Variants in PTF1A observed in about 807,000 individuals in gnomAD.
PTF1A encodes the protein pancreas associated transcription factor 1a.
Under a neutral mutation model 22.6 loss-of-function variants are expected in PTF1A, and 18 were observed. The ratio of observed to expected loss-of-function variants is 0.80; its 90% confidence interval spans 0.55 to 1.18. The LOEUF (loss-of-function observed/expected upper bound fraction) is 1.18. PTF1A is among the 50% of genes most tolerant of loss of function. The pLI is 0.00. For missense variants in PTF1A, 477 were observed against 473.0 expected, an observed-to-expected ratio of 1.01 and a Z score of -0.08; for synonymous variants, 259 against 227.9, an observed-to-expected ratio of 1.14 and a Z score of -1.23.
In PTF1A at chr10:23,193,687, T is replaced by C; in HGVS notation, c.785-17T>C. 2.6e-6 allele frequency: 4 copies of C among 1,537,458 alleles called. No individual in the cohort carries two copies. The highest frequency in any genetic ancestry group is 2.7e-6 in the Non-Finnish European group (3 of 1,111,364). ...GGTTGGATATTCACAGTCTGTTTTC[T>C]CTTCTCACCTGTCCAGGGTCCCCCT... On this transcript the variant is annotated splice_polypyrimidine_tract_variant and intron_variant, in intron 1 of 1. Transcript: ENST00000376504.
Position 23,192,414 on chromosome 10 carries a change from C to G in PTF1A, c.-117C>G, listed in dbSNP as rs2131679224. On this transcript the variant is annotated 5_prime_UTR_variant, in exon 1 of 2. Coordinates refer to ENST00000376504, the MANE Select transcript of PTF1A (RefSeq NM_178161.3). ...GGCCCGGGGGCGGGCAGCCCGGCGGCCGCCTAGCTGCCCCCAGCCAGGGCC... is the reference window on the plus strand; with the variant it reads ...GGCCCGGGGGCGGGCAGCCCGGCGGGCGCCTAGCTGCCCCCAGCCAGGGCC... 7.0e-7 allele frequency: 1 copy of G among 1,432,804 alleles called. No homozygotes were observed. The allele number at this position is 1,432,804 out of a possible 1,614,324, so 88.8% of individuals were successfully genotyped here.
At chr10:23,193,496 T>G in intron 1 of PTF1A, 182 bp downstream of exon 1, 1 of 726,278 alleles carries the variant, frequency 1.4e-6, no homozygotes, top group Non-Finnish European at 2.1e-6. Context: ...TCTGCCACGT[T>G]GACCGCGGCT....
intron 1 of PTF1A, 191 bp downstream of exon 1, chr10:23,193,505 C>T (rs1840925065): frequency 4.2e-6 from 3 of 707,520 alleles, no homozygotes; most frequent in African/African-American, 1.8e-5. Flanking sequence ...TTGACCGCGG[C>T]TCTCAAGGGC....
Position 23,192,859 on chromosome 10 carries a change from G to T in PTF1A, c.329G>T (p.Gly110Val). 3.0e-6 allele frequency: 4 copies of T among 1,322,400 alleles called. No individual in the cohort carries two copies. The highest frequency in any genetic ancestry group is 2.8e-4 in the Middle Eastern group (1 of 3,562). 81.9% of individuals were successfully genotyped at this position (1,322,400 alleles called of 1,614,324 possible). The change falls in exon 1 of 2, where the codon GGC becomes GTC. Residue 110 changes from glycine (G) to valine (V), a missense_variant. Physicochemically the swap from Gly to Val is moderately radical, Grantham distance 109. Transcript: ENST00000376504. The stretch of plus-strand genomic sequence containing the variant: ...TGCGAGACGGGGGCGCCCCCAGGCG[G>T]CTTCCCCTACTCGCCCGGCTCGCCG... ...YCCETGAPPG[G>V]FPYSPGSPPS...
chr10:23,193,476 T>TTA, intron 1 of PTF1A, 162 bp downstream of exon 1: 1 of 829,042 alleles, frequency 1.2e-6, no homozygotes, highest in Non-Finnish European at 1.8e-6. Context: ...TTTTTTTTTT[T>TTA]TTTTATTTTT....
At position 23,192,614 on chromosome 10, in the gene PTF1A, C is replaced by T; in HGVS notation, c.84C>T (p.Thr28=). ...SSYFDEDDFF[T]DQSSRDPLED... is the part of the protein sequence containing the mutation. ...ACTTCGACGAGGACGACTTCTTCACCGACCAGTCTTCACGGGACCCCCTGG... is the reference window on the plus strand; with the variant it reads ...ACTTCGACGAGGACGACTTCTTCACTGACCAGTCTTCACGGGACCCCCTGG... The change falls in exon 1 of 2, where the codon ACC becomes ACT. Residue 28 remains threonine, a synonymous_variant. Transcript: ENST00000376504. The T allele has an allele frequency of 1.2e-6, 2 of 1,603,312 alleles. No homozygotes were observed. Among genetic ancestry groups the T allele is most frequent in the South Asian group, 1.1e-5 (1 of 90,114 alleles).
chr10:23,193,370 G>A (rs1588563213), intron 1 of PTF1A, 56 bp downstream of exon 1: 5 of 1,415,796 alleles, frequency 3.5e-6, no homozygotes, highest in Admixed American at 2.9e-5. Flanking sequence ...CGAAGGCTCC[G>A]GAGGGGCTGG....
rs1285998272 is a variant in PTF1A, at chr10:23,194,043, C to A, written c.*137C>A. On this transcript the variant is annotated 3_prime_UTR_variant, in exon 2 of 2. Coordinates refer to ENST00000376504, the MANE Select transcript of PTF1A (RefSeq NM_178161.3). ...TGTTTATTATTTATCTATTTATTAT[C>A]CTGTTGAGTTGATGAAATAGATGAT... 60 of 684,732 alleles carry A rather than the reference C, an allele frequency of 8.8e-5. No individual in the cohort carries two copies. The East Asian group carries it at 1.6e-3, about 19-fold the overall frequency. The allele number at this position is 684,732 out of a possible 1,614,324, so 42.4% of individuals were successfully genotyped here.
chr10:23,193,679 C>T, intron 1 of PTF1A, 25 bp from the exon 2 acceptor site: 2 of 1,485,918 alleles, frequency 1.3e-6, no homozygotes, highest in East Asian at 2.3e-5. Flanking sequence ...TATTCACAGT[C>T]TGTTTTCTCT....
In PTF1A at chr10:23,193,270, C is replaced by A; in HGVS notation, c.740C>A (p.Pro247Gln). 1.6e-6 allele frequency: 2 copies of A among 1,247,100 alleles called. No individual in the cohort carries two copies. The highest frequency in any genetic ancestry group is 2.0e-6 in the Non-Finnish European group (2 of 1,003,808). 77.3% of individuals were successfully genotyped at this position (1,247,100 alleles called of 1,614,324 possible). A position where few individuals can be genotyped will look rare whatever the true frequency, so the allele number is the denominator to read the frequency against. Reference sequence around the variant, plus strand: ...GGCGGGCGCCTGGGCGGGGACAGCCCGGGCAGCCAGGCCCAGAAGGTCATC... The same window carrying A: ...GGCGGGCGCCTGGGCGGGGACAGCCAGGGCAGCCAGGCCCAGAAGGTCATC... Reference protein sequence around the residue: ...GGGGRLGGDSPGSQAQKVIIC... With the variant: ...GGGGRLGGDSQGSQAQKVIIC... The change falls in exon 1 of 2, where the codon CCG (proline) becomes CAG (glutamine). Residue 247 changes from proline (P) to glutamine (Q), a missense_variant. Pro to Gln is a moderately conservative substitution (Grantham distance 76). Coordinates refer to ENST00000376504, the MANE Select transcript of PTF1A (RefSeq NM_178161.3).
At chr10:23,193,443 A>T in intron 1 of PTF1A, 129 bp downstream of exon 1, 1 of 905,720 alleles carries the variant, frequency 1.1e-6, no homozygotes, top group Non-Finnish European at 1.6e-6. Flanking sequence ...GAAAAACTTG[A>T]ATGCGAGCTC....
Position 23,192,394 on chromosome 10 carries a change from G to C in PTF1A, c.-137G>C, listed in dbSNP as rs1232997616. 2.4e-6 allele frequency: 3 copies of C among 1,238,538 alleles called. No homozygotes were observed. Among genetic ancestry groups the C allele is most frequent in the Non-Finnish European group, 2.2e-6 (2 of 920,758 alleles). The allele number at this position is 1,238,538 out of a possible 1,614,324, so 76.7% of individuals were successfully genotyped here. A position where few individuals can be genotyped will look rare whatever the true frequency, so the allele number is the denominator to read the frequency against. ...GGCCGCGGGCACTCCAGGGAGGCCCGGGGGCGGGCAGCCCGGCGGCCGCCT... is the reference window on the plus strand; with the variant it reads ...GGCCGCGGGCACTCCAGGGAGGCCCCGGGGCGGGCAGCCCGGCGGCCGCCT... On this transcript the variant is annotated 5_prime_UTR_variant, in exon 1 of 2. Coordinates refer to ENST00000376504, the MANE Select transcript of PTF1A (RefSeq NM_178161.3).
chr10:23,193,563 G>C, intron 1 of PTF1A, 141 bp from the exon 2 acceptor site: 10 of 827,524 alleles, frequency 1.2e-5, no homozygotes, highest in Non-Finnish European at 2.1e-5. Context: ...GGGAGGGGAC[G>C]GTGGGGACTT....
chr10:23,192,565 G>A lies in PTF1A; in HGVS notation c.35G>A (p.Gly12Asp), dbSNP rs1840901703. Residue 12 changes from glycine to aspartate, a missense_variant, in exon 1 of 2, where the codon GGC becomes GAC. Transcript: ENST00000376504. The stretch of plus-strand genomic sequence containing the variant: ...GTGTTGCTGGAGCACTTCCCCGGGG[G>A]CCTAGACGCCTTTCCTTCTTCGTAC... Reference protein sequence around the residue: ...DAVLLEHFPGGLDAFPSSYFD... With the variant: ...DAVLLEHFPGDLDAFPSSYFD... 6.3e-7 allele frequency: 1 copy of A among 1,597,940 alleles called. No homozygotes were observed. The highest frequency in any genetic ancestry group is 8.5e-7 in the Non-Finnish European group (1 of 1,172,656).
chr10:23,193,762 C>A lies in PTF1A; in HGVS notation c.843C>A (p.Leu281=), dbSNP rs760272788. The A allele has an allele frequency of 2.5e-6, 4 of 1,613,996 alleles. No homozygotes were observed. The highest frequency in any genetic ancestry group is 3.4e-6 in the Non-Finnish European group (4 of 1,179,924). Residue 281 remains leucine (L), a synonymous_variant, in exon 2 of 2, where the codon CTC becomes CTA. Coordinates refer to ENST00000376504, the MANE Select transcript of PTF1A (RefSeq NM_178161.3). ...YGLPPLAGHS[L]SWTDEKQLKE... The stretch of plus-strand genomic sequence containing the variant: ...TCCCTCCCCTAGCAGGACACTCTCT[C>A]TCATGGACTGATGAAAAACAACTCA...
At position 23,193,742 on chromosome 10, in the gene PTF1A, C is replaced by A; in HGVS notation, c.823C>A (p.Pro275Thr). ...SPSDPDYGLP[P>T]LAGHSLSWTD... ...CAGCGACCCTGATTATGGCCTCCCTCCCCTAGCAGGACACTCTCTCTCATG... is the reference window on the plus strand; with the variant it reads ...CAGCGACCCTGATTATGGCCTCCCTACCCTAGCAGGACACTCTCTCTCATG... Residue 275 changes from proline to threonine, a missense_variant, in exon 2 of 2, where the codon CCC becomes ACC. Coordinates refer to ENST00000376504, the MANE Select transcript of PTF1A (RefSeq NM_178161.3). 1 of 1,613,658 alleles carries A rather than the reference C, an allele frequency of 6.2e-7. No individual in the cohort carries two copies. The highest frequency in any genetic ancestry group is 8.5e-7 in the Non-Finnish European group (1 of 1,179,676).
At chr10:23,193,450 G>A (rs2131681047) in intron 1 of PTF1A, 136 bp downstream of exon 1, 2 of 869,164 alleles carry the variant, frequency 2.3e-6, no homozygotes, top group East Asian at 2.7e-5. Context: ...TTGAATGCGA[G>A]CTCGCGTTTC....
Position 23,192,516 on chromosome 10 carries a change from A to G in PTF1A, c.-15A>G, listed in dbSNP as rs1840900621. ...GCGCAGCCCGGCAGTCCCGCTGCCC[A>G]CTGCGGCGGCGAGCATGGACGCGGT... On this transcript the variant is annotated 5_prime_UTR_variant, in exon 1 of 2. Transcript: ENST00000376504. The G allele has an allele frequency of 1.3e-6, 2 of 1,592,840 alleles. No homozygotes were observed. Among genetic ancestry groups the G allele is most frequent in the East Asian group, 2.4e-5 (1 of 42,238 alleles).
In PTF1A at chr10:23,192,924, C is replaced by T; in HGVS notation, c.394C>T (p.Leu132=). Reference sequence around the variant, plus strand: ...CTACCCGTGCGCCGGGGCGGCAGTACTGTCTCCCGGGGCGCGGCTGCGCGG... The same window carrying T: ...CTACCCGTGCGCCGGGGCGGCAGTATTGTCTCCCGGGGCGCGGCTGCGCGG... ...LAYPCAGAAV[L]SPGARLRGLS... The change falls in exon 1 of 2, where the codon CTG becomes TTG. Residue 132 remains leucine, a synonymous_variant. Transcript: ENST00000376504. The T allele has an allele frequency of 1.6e-6, 2 of 1,218,130 alleles. No homozygotes were observed. The highest frequency in any genetic ancestry group is 6.9e-5 in the South Asian group (2 of 28,982). 75.5% of individuals were successfully genotyped at this position (1,218,130 alleles called of 1,614,324 possible). A position where few individuals can be genotyped will look rare whatever the true frequency, so the allele number is the denominator to read the frequency against.
Sources: gnomAD v4.1 joint callset for allele counts on GRCh38, gnomAD v4.1.1 for gene constraint, MANE v1.5 for transcripts, NCBI Gene and HGNC (gene_info 2026-07-23, HGNC 2026-07-21) for gene names.